BANP: variants seen among roughly 807,000 people sequenced by gnomAD.
BANP encodes the protein protein BANP.
Under a neutral mutation model 68.1 loss-of-function variants are expected in BANP, and 11 were observed. That is an observed-to-expected ratio of 0.16 (90% CI 0.10 to 0.27). The LOEUF is 0.27. Among genes scored for constraint, BANP ranks in the 10% least tolerant of loss-of-function variants. The pLI is 1.00. For synonymous variants in BANP, 329 were observed against 303.2 expected (o/e 1.09, Z -0.88); for missense variants, 504 against 722.7 (o/e 0.70, Z 3.47).
rs144402395 is a variant in BANP at position 87,975,662 on chromosome 16, CCT to C, written c.70+478_70+479del. 1.2e-3 allele frequency among the ~76,000 whole-genome samples: 175 copies of C among 151,434 alleles called. 4 individuals carry two copies. The East Asian group carries it at 0.029, about 25-fold the overall frequency. On this transcript the variant is annotated intron_variant, in intron 2 of 13. Coordinates refer to ENST00000682872, the MANE Select transcript of BANP (RefSeq NM_001386991.1). ...CCTTACCATGTTGTGTGTGTAATCC[CCT>C]GTGTGTGGCGTCATGGAACCTTACC...
Position 88,072,049 on chromosome 16 carries a change from C to G in BANP, c.1378-20C>G. ...GTTGTGGGCCACGCCGCTGACGGGC[C>G]CCCGTGTGTCTCCCTCCAGGTGCTG... On this transcript the variant is annotated intron_variant, in intron 12 of 13. Transcript: ENST00000682872. 6.4e-7 allele frequency: 1 copy of G among 1,556,038 alleles called. No individual in the cohort carries two copies. The highest frequency in any genetic ancestry group is 1.9e-5 in the Admixed American group (1 of 51,436).
In BANP at chr16:88,071,440, C is replaced by T. The variant is rs1305079384; in HGVS notation, c.1378-629C>T. On this transcript the variant is annotated intron_variant, in intron 12 of 13. Coordinates refer to ENST00000682872, the MANE Select transcript of BANP (RefSeq NM_001386991.1). The surrounding 1 kb of genome is among the most constrained non-coding windows in gnomAD (Gnocchi z 6.5). ...AGGGGCCTCGCCTGTCCCCCATTCT[C>T]ATTCCATACTCTGGGAGGCGGTACA... The T allele has an allele frequency of 4.4e-6, 2 of 456,090 alleles. No homozygotes were observed. Among genetic ancestry groups the T allele is most frequent in the East Asian group, 6.9e-5 (1 of 14,402 alleles). The allele number at this position is 456,090 out of a possible 1,614,324, so 28.3% of individuals were successfully genotyped here.
intron 1 of BANP, chr16:87,963,630 A>G (rs996022967): frequency 6.6e-6 from 1 of 152,270 alleles, no homozygotes; most frequent in African/African-American, 2.4e-5. Context: ...AAACAGCTCT[A>G]TGAAGAATGT....
At position 88,028,117 on chromosome 16, in the gene BANP, G is replaced by C. The variant is rs561659853; in HGVS notation, c.1063+467G>C. On this transcript the variant is annotated intron_variant, in intron 8 of 13. Coordinates refer to ENST00000682872, the MANE Select transcript of BANP (RefSeq NM_001386991.1). ...GTTGCCTCTCAGGCATCGCTGGGGG[G>C]ATTGTTCTCCTTGGAGAATTTTCAC... Among the ~76,000 whole-genome samples, 20 of 152,372 alleles carry C rather than the reference G, an allele frequency of 1.3e-4. No homozygotes were observed. In the South Asian group the frequency reaches 3.9e-3, roughly 30 times the overall value.
In BANP at chr16:87,951,819, T is replaced by C. The variant is rs539294842; in HGVS notation, c.-69+304T>C. On this transcript the variant is annotated intron_variant, in intron 1 of 13. Transcript: ENST00000682872. ...GGGGGCCTCGCGCTCCCGACCTCTG[T>C]CCCGGGCCTCGCCCCGCGGGAAGGA... Among the ~76,000 whole-genome samples, 3 of 151,762 alleles carry C rather than the reference T, an allele frequency of 2.0e-5. No individual in the cohort carries two copies. The South Asian group carries it at 6.2e-4, about 32-fold the overall frequency.
intron 11 of BANP, among the ~76,000 whole-genome samples, chr16:88,039,495 G>A (rs527384957): frequency 2.8e-5 from 4 of 145,016 alleles, no homozygotes; most frequent in East Asian, 4.0e-4. Context: ...GCTGCTGGAC[G>A]TTTAATTCCT....
At chr16:88,041,046 GCCTGTGCCCTGTGC>G (rs368084156) in intron 11 of BANP, among the ~76,000 whole-genome samples, 13 of 152,354 alleles carry the variant, frequency 8.5e-5, no homozygotes, top group African/African-American at 3.1e-4. Flanking sequence ...TGGGGCTGGG[GCCTGTGCCCTGTGC>G]CCTGTGCCCC....
intron 4 of BANP, among the ~76,000 whole-genome samples, chr16:87,987,778 C>G (rs1430989031): frequency 8.2e-6 from 1 of 122,294 alleles, no homozygotes; most frequent in Non-Finnish European, 1.7e-5. Flanking sequence ...CATGTAAGTT[C>G]TTTTTAAAAG....
intron 8 of BANP, among the ~76,000 whole-genome samples, chr16:88,031,849 G>C (rs1052375720): frequency 3.8e-4 from 57 of 148,586 alleles, no homozygotes; most frequent in Non-Finnish European, 6.5e-4. Context: ...CTGTTGCCTG[G>C]AGCTGAGTGC....
intron 4 of BANP, among the ~76,000 whole-genome samples, chr16:87,997,234 C>T (rs2067501928): frequency 6.6e-6 from 1 of 152,232 alleles, no homozygotes; most frequent in Non-Finnish European, 1.5e-5. Context: ...GTTGGGATTA[C>T]AGGTGTGAGC....
intron 7 of BANP, among the ~76,000 whole-genome samples, chr16:88,020,123 A>G (rs6540154): frequency 6.6e-6 from 1 of 152,206 alleles, no homozygotes; most frequent in Non-Finnish European, 1.5e-5. Context: ...AAGCAGGTCA[A>G]GAGGATCAGA....
At chr16:88,027,680 C>T (rs772809530) in intron 8 of BANP, 30 bp downstream of exon 8, 3 of 1,610,764 alleles carry the variant, frequency 1.9e-6, no homozygotes, top group Non-Finnish European at 2.5e-6. Context: ...AGAGGCCGCC[C>T]TCCCCCGCTC....
chr16:88,016,272 G>A (rs972980151), intron 6 of BANP, among the ~76,000 whole-genome samples: 7 of 152,238 alleles, frequency 4.6e-5, no homozygotes, highest in Non-Finnish European at 1.0e-4. Context: ...TGGTGCAGGT[G>A]CCAATGCTCC....
intron 11 of BANP, among the ~76,000 whole-genome samples, chr16:88,047,159 G>T (rs1269755687): frequency 6.6e-6 from 1 of 152,192 alleles, no homozygotes; most frequent in Non-Finnish European, 1.5e-5. Context: ...AGGTGGCATT[G>T]TTTGTGTTGT....
At chr16:88,075,967 A>T (rs1248775027) in intron 13 of BANP, among the ~76,000 whole-genome samples, 1 of 151,988 alleles carries the variant, frequency 6.6e-6, no homozygotes, top group Non-Finnish European at 1.5e-5. Context: ...CCTAGGCTTG[A>T]ACTCCTGACC....
intron 11 of BANP, among the ~76,000 whole-genome samples, chr16:88,040,137 C>G (rs1438843211): frequency 6.6e-6 from 1 of 152,184 alleles, no homozygotes; most frequent in East Asian, 1.9e-4. Context: ...TACATGGCCC[C>G]TGCTTCTCTT....
intron 4 of BANP, among the ~76,000 whole-genome samples, chr16:87,987,027 T>G (rs974360335): frequency 1.3e-5 from 2 of 152,254 alleles, no homozygotes; most frequent in Admixed American, 1.3e-4. Flanking sequence ...TAAAAGTATA[T>G]TCTATTTAAA....
At chr16:88,048,439 C>T (rs925056395) in intron 11 of BANP, among the ~76,000 whole-genome samples, 1 of 151,728 alleles carries the variant, frequency 6.6e-6, no homozygotes, top group Non-Finnish European at 1.5e-5. Context: ...GGTATTGAAT[C>T]GGCGCTCACC....
At chr16:87,993,534 C>T (rs1408535973) in intron 4 of BANP, among the ~76,000 whole-genome samples, 1 of 152,108 alleles carries the variant, frequency 6.6e-6, no homozygotes, top group East Asian at 1.9e-4. Flanking sequence ...AGTTGGCTCC[C>T]GTGCCCCTTG....
Sources: allele counts gnomAD v4.1 joint callset (sites outside exome capture counted in the v4.1 genomes callset), GRCh38; gene constraint gnomAD v4.1.1; non-coding constraint Gnocchi (gnomAD v3.1); transcripts MANE v1.5; gene names NCBI Gene and HGNC (gene_info 2026-07-23, HGNC 2026-07-21).